CEP112: variants seen among roughly 807,000 people sequenced by gnomAD.
The protein encoded by CEP112 is centrosomal protein 112.
CEP112 carries 127 observed loss-of-function variants against 153.0 expected under a neutral mutation model. The ratio of observed to expected loss-of-function variants is 0.83; its 90% CI spans 0.72 to 0.96. The LOEUF is 0.96. Ranked by LOEUF, CEP112 falls within the 40% of genes least tolerant of loss-of-function variation. CEP112 has a pLI of 0.00. For synonymous variants in CEP112, 358 were observed against 374.4 expected (o/e 0.96, Z 0.51); for missense variants, 1,089 against 1,101.2 (o/e 0.99, Z 0.16).
At chr17:65,885,919 G>C (rs149133500) in intron 20 of CEP112, among the ~76,000 whole-genome samples, 404 of 152,280 alleles carry the variant, frequency 2.7e-3, no homozygotes, top group Non-Finnish European at 4.5e-3. Flanking sequence ...ACATTTGCAA[G>C]TCCTGAAGAG....
intron 4 of CEP112, among the ~76,000 whole-genome samples, chr17:66,172,877 A>G (rs563126251): frequency 2.0e-5 from 3 of 152,184 alleles, no homozygotes; most frequent in African/African-American, 7.2e-5. Context: ...ATACTACCAG[A>G]TATAAGGATA....
intron 4 of CEP112, among the ~76,000 whole-genome samples, chr17:66,143,582 T>G (rs1302201288): frequency 6.6e-6 from 1 of 152,216 alleles, no homozygotes; most frequent in Non-Finnish European, 1.5e-5. Flanking sequence ...GAATACGGTG[T>G]TTGTCTAATG....
chr17:66,189,910 T>C (rs966576029), intron 1 of CEP112, among the ~76,000 whole-genome samples: 1 of 152,116 alleles, frequency 6.6e-6, no homozygotes, highest in Non-Finnish European at 1.5e-5. Flanking sequence ...CATGCATCTG[T>C]AGTCCCAGCT....
intron 20 of CEP112, among the ~76,000 whole-genome samples, chr17:65,889,866 G>A (rs1330157974): frequency 6.6e-6 from 1 of 151,976 alleles, no homozygotes; most frequent in African/African-American, 2.4e-5. Context: ...TCTCGCGAGG[G>A]TGACTCTAAC....
At chr17:66,084,778 A>T (rs1394742720) in intron 8 of CEP112, among the ~76,000 whole-genome samples, 8 of 152,158 alleles carry the variant, frequency 5.3e-5, no homozygotes, top group Admixed American at 2.6e-4. Flanking sequence ...AGTCAAAAAA[A>T]AAATTTAATT....
intron 19 of CEP112, among the ~76,000 whole-genome samples, chr17:65,920,734 C>T (rs2060695777): frequency 6.6e-6 from 1 of 151,896 alleles, no homozygotes; most frequent in African/African-American, 2.4e-5. Context: ...TGACCAAAAT[C>T]GACCTATTCC....
At chr17:66,075,759 T>C (rs2067467408) in intron 8 of CEP112, among the ~76,000 whole-genome samples, 1 of 152,010 alleles carries the variant, frequency 6.6e-6, no homozygotes, top group African/African-American at 2.4e-5. Context: ...GAGGCTTGCA[T>C]CATGAATTTT....
Position 65,912,832 on chromosome 17 carries a change from T to C in CEP112, c.1981-10498A>G, listed in dbSNP as rs200838996. On this transcript the variant is annotated intron_variant, in intron 19 of 26. Transcript: ENST00000535342. ...AGATTTTTCTACAGGGCTTGCCAGG[T>C]AACACTTTCCTCTCACGTTCTACTC... 4.6e-5 allele frequency among the ~76,000 whole-genome samples: 7 copies of C among 152,312 alleles called. No individual in the cohort carries two copies. The East Asian group carries it at 1.2e-3, about 25-fold the overall frequency.
intron 17 of CEP112, among the ~76,000 whole-genome samples, chr17:66,002,579 T>A (rs2064107341): frequency 6.6e-6 from 1 of 152,150 alleles, no homozygotes; most frequent in Admixed American, 6.5e-5. Context: ...GATAATTTAT[T>A]CTCCACTTTT....
chr17:66,020,710 T>C (rs1442183695), intron 16 of CEP112, among the ~76,000 whole-genome samples: 2 of 152,244 alleles, frequency 1.3e-5, no homozygotes, highest in Non-Finnish European at 2.9e-5. Context: ...CAGCAGATAG[T>C]GACAAAAGCA....
chr17:66,147,611 TC>T (rs762497626), intron 4 of CEP112, among the ~76,000 whole-genome samples: 5 of 152,172 alleles, frequency 3.3e-5, no homozygotes, highest in Non-Finnish European at 5.9e-5. Flanking sequence ...ATAAAGCTTT[TC>T]CCTATGTCTT....
At chr17:65,652,626 A>T (rs2045843462) in intron 24 of CEP112, among the ~76,000 whole-genome samples, 1 of 152,172 alleles carries the variant, frequency 6.6e-6, no homozygotes, top group East Asian at 1.9e-4. Flanking sequence ...TAAATTAATG[A>T]TTGAGGACTC....
intron 18 of CEP112, among the ~76,000 whole-genome samples, chr17:65,955,940 T>A (rs1198060417): frequency 6.6e-6 from 1 of 152,060 alleles, no homozygotes; most frequent in Non-Finnish European, 1.5e-5. Flanking sequence ...ACTACACAGG[T>A]CATCAAGACA....
At chr17:66,046,288 C>T (rs895025750) in intron 12 of CEP112, among the ~76,000 whole-genome samples, 3 of 151,990 alleles carry the variant, frequency 2.0e-5, no homozygotes, top group Non-Finnish European at 2.9e-5. Flanking sequence ...GTGATCTGCC[C>T]GCCTCGGCCT....
intron 21 of CEP112, among the ~76,000 whole-genome samples, chr17:65,810,263 T>C (rs1321948113): frequency 6.6e-6 from 1 of 152,140 alleles, no homozygotes; most frequent in Non-Finnish European, 1.5e-5. Context: ...TTACTGGTAG[T>C]TGAATATATA....
At chr17:65,850,813 C>CA (rs1401209812) in intron 21 of CEP112, among the ~76,000 whole-genome samples, 12 of 152,326 alleles carry the variant, frequency 7.9e-5, no homozygotes, top group African/African-American at 2.6e-4. Context: ...TTTCCAGACA[C>CA]ACCACTTTCC....
In CEP112 at chr17:65,851,922, T is replaced by C. The variant is rs1298499031; in HGVS notation, c.2276A>G (p.Lys759Arg). 2 of 1,614,024 alleles carry C rather than the reference T, an allele frequency of 1.2e-6. No homozygotes were observed. The highest frequency in any genetic ancestry group is 2.7e-5 in the African/African-American group (2 of 74,930). Residue 759 changes from lysine (K) to arginine (R), a missense_variant, in exon 21 of 27, where the codon AAG becomes AGG. Transcript: ENST00000535342. ...VELGLLREEE[K>R]QRATREHEIV... ...CTCATGTTCCCTTGTAGCCCTTTGCTTTTCCTCTTCACGAAGAAGACCAAG... is the reference window on the plus strand; with the variant it reads ...CTCATGTTCCCTTGTAGCCCTTTGCCTTTCCTCTTCACGAAGAAGACCAAG...
At chr17:66,074,633 G>C (rs2067419383) in intron 8 of CEP112, among the ~76,000 whole-genome samples, 1 of 152,088 alleles carries the variant, frequency 6.6e-6, no homozygotes, top group South Asian at 2.1e-4. Flanking sequence ...GGGAGGCCAA[G>C]GCAGGCAGAT....
intron 21 of CEP112, among the ~76,000 whole-genome samples, chr17:65,762,080 G>A (rs980965876): frequency 7.2e-5 from 11 of 151,754 alleles, no homozygotes; most frequent in African/African-American, 2.7e-4. Flanking sequence ...GTTCGTTTTT[G>A]GTTTTTTTGC....
Sources: allele counts gnomAD v4.1 joint callset (sites outside exome capture counted in the v4.1 genomes callset), GRCh38; gene constraint gnomAD v4.1.1; transcripts MANE v1.5; gene names NCBI Gene and HGNC (gene_info 2026-07-23, HGNC 2026-07-21).